CCSER1: variants seen among roughly 807,000 people sequenced by gnomAD.
The protein encoded by CCSER1 is coiled-coil serine rich protein 1.
A neutral mutation model predicts 82.0 loss-of-function variants in CCSER1; 41 were observed. The observed-to-expected ratio is 0.50, with a 90% CI of 0.39 to 0.65. CCSER1 has a LOEUF of 0.65. CCSER1 is among the 30% of genes least tolerant of loss of function. The probability of loss-of-function intolerance (pLI) is 0.00; values close to 1 mark genes in which losing one functional copy is unlikely to be tolerated. For missense variants in CCSER1, 1,119 were observed against 1,064.2 expected, an observed-to-expected ratio of 1.05 and a Z score of -0.72; for synonymous variants, 414 against 383.9, an observed-to-expected ratio of 1.08 and a Z score of -0.92.
At chr4:90,355,304 A>G (rs1291222836) in intron 3 of CCSER1, among the ~76,000 whole-genome samples, 3 of 152,036 alleles carry the variant, frequency 2.0e-5, no homozygotes, top group Non-Finnish European at 2.9e-5. Flanking sequence ...AAGAAAGAAA[A>G]GAAGAGAAAA....
At chr4:90,906,408 G>T (rs1725481369) in intron 8 of CCSER1, among the ~76,000 whole-genome samples, 1 of 152,082 alleles carries the variant, frequency 6.6e-6, no homozygotes, top group Non-Finnish European at 1.5e-5. Context: ...GACTCTGCAA[G>T]TGTCTAGTGA....
intron 10 of CCSER1, among the ~76,000 whole-genome samples, chr4:91,161,530 C>T (rs1038345654): frequency 6.6e-6 from 1 of 152,146 alleles, no homozygotes; most frequent in African/African-American, 2.4e-5. Flanking sequence ...TCTTGCTGTA[C>T]ATGAGCATGG....
At chr4:90,497,095 A>G (rs1243463909) in intron 5 of CCSER1, among the ~76,000 whole-genome samples, 2 of 152,202 alleles carry the variant, frequency 1.3e-5, no homozygotes, top group Non-Finnish European at 2.9e-5. Context: ...TAAGGTAACA[A>G]TGTTGAAATG....
At chr4:90,502,395 C>G (rs1178939452) in intron 5 of CCSER1, among the ~76,000 whole-genome samples, 1 of 152,162 alleles carries the variant, frequency 6.6e-6, no homozygotes, top group Non-Finnish European at 1.5e-5. Context: ...AAATCTGTCC[C>G]CATGATCCAA....
intron 3 of CCSER1, among the ~76,000 whole-genome samples, chr4:90,341,426 T>C (rs1741364414): frequency 1.3e-5 from 2 of 152,082 alleles, no homozygotes; most frequent in Admixed American, 6.6e-5. Flanking sequence ...ATTTTTACTC[T>C]CGAGTTCATA....
At position 91,423,367 on chromosome 4, in the gene CCSER1, T is replaced by C. The variant is rs375948856; in HGVS notation, c.2218-175205T>C. On this transcript the variant is annotated intron_variant, in intron 10 of 10. Transcript: ENST00000509176. ...ATTGCTTGAACCCAGGAGGTGGAGA[T>C]TGCAGTAGGTTGAGATCATGCCACT... 2.3e-3 allele frequency among the ~76,000 whole-genome samples: 343 copies of C among 151,526 alleles called. 2 individuals carry two copies. The highest frequency in any genetic ancestry group is 7.6e-3 in the African/African-American group (314 of 41,222).
At chr4:90,784,364 A>G (rs72875688) in intron 7 of CCSER1, among the ~76,000 whole-genome samples, 4,383 of 152,324 alleles carry the variant, frequency 0.029, 189 homozygotes, top group African/African-American at 0.094. Context: ...GTTATCATAA[A>G]TGCATATGCT....
chr4:91,434,818 C>A (rs1468755414), intron 10 of CCSER1, among the ~76,000 whole-genome samples: 5 of 152,168 alleles, frequency 3.3e-5, no homozygotes, highest in Non-Finnish European at 5.9e-5. Flanking sequence ...GGTCAGGAGC[C>A]ATTCCAAGAT....
intron 10 of CCSER1, among the ~76,000 whole-genome samples, chr4:91,440,231 C>G (rs1163639172): frequency 1.3e-5 from 2 of 152,094 alleles, no homozygotes; most frequent in African/African-American, 4.8e-5. Context: ...CTCTCCTCAG[C>G]AAACATAAAA....
At chr4:90,861,259 C>G (rs1765054348) in intron 8 of CCSER1, among the ~76,000 whole-genome samples, 1 of 151,616 alleles carries the variant, frequency 6.6e-6, no homozygotes, top group African/African-American at 2.4e-5. Flanking sequence ...AGTTACAAAA[C>G]TTGAACTAAA....
rs141255914 is a variant in CCSER1, at chr4:90,583,189, C to T, written c.1725-44836C>T. The stretch of plus-strand genomic sequence containing the variant: ...TGGATATGTTTTTTGTTTTTTAAGA[C>T]GGAGTCTCGCTCTGTCGCCCAGGCT... On this transcript the variant is annotated intron_variant, in intron 5 of 10. Transcript: ENST00000509176. 3.9e-3 allele frequency among the ~76,000 whole-genome samples: 597 copies of T among 152,190 alleles called. 4 individuals are homozygous for T. Among genetic ancestry groups the T allele is most frequent in the African/African-American group, 0.014 (563 of 41,530 alleles).
intron 6 of CCSER1, among the ~76,000 whole-genome samples, chr4:90,663,360 G>A (rs1731164004): frequency 6.6e-6 from 1 of 152,176 alleles, no homozygotes; most frequent in African/African-American, 2.4e-5. Context: ...AAACCTGGAT[G>A]CCTGCTCAGT....
intron 1 of CCSER1, among the ~76,000 whole-genome samples, chr4:90,157,078 A>G (rs1354729225): frequency 1.3e-5 from 2 of 152,162 alleles, no homozygotes; most frequent in African/African-American, 4.8e-5. Flanking sequence ...GGTGGTGACA[A>G]AATCTCTCAG....
intron 6 of CCSER1, among the ~76,000 whole-genome samples, chr4:90,721,559 G>A (rs1444640948): frequency 6.6e-6 from 1 of 151,472 alleles, no homozygotes; most frequent in Non-Finnish European, 1.5e-5. Context: ...AGAAAGTTGT[G>A]GATTAACAAA....
chr4:91,068,761 T>G (rs2148760304), intron 9 of CCSER1, among the ~76,000 whole-genome samples: 1 of 152,316 alleles, frequency 6.6e-6, no homozygotes, highest in Admixed American at 6.5e-5. Flanking sequence ...AGGGAAATTT[T>G]AAAAGAAAAG....
At chr4:90,551,706 C>CTCTCTCTCTCTCTCTCTATA in intron 5 of CCSER1, among the ~76,000 whole-genome samples, 37 of 104,232 alleles carry the variant, frequency 3.5e-4, no homozygotes, top group African/African-American at 5.0e-4. Flanking sequence ...CTCTCTCTCT[C>CTCTCTCTCTCTCTCTCTATA]TATATATATA....
chr4:90,134,249 C>T (rs955869287), intron 1 of CCSER1, among the ~76,000 whole-genome samples: 23 of 152,158 alleles, frequency 1.5e-4, no homozygotes, highest in African/African-American at 5.6e-4. Flanking sequence ...TTATGAAACT[C>T]ATAAACAGAG....
In CCSER1 at chr4:91,603,230, T is replaced by C. The variant is rs1483147362; in HGVS notation, c.*4173T>C. ...AACCAAACAAAACAGCTCTCTTCTT[T>C]AATAATATTCATCATTGCCAAATGT... On this transcript the variant is annotated 3_prime_UTR_variant, in exon 11 of 11. Transcript: ENST00000509176. The C allele has an allele frequency of 6.6e-6, 1 of 152,140 alleles. No homozygotes were observed. Among genetic ancestry groups the C allele is most frequent in the Non-Finnish European group, 1.5e-5 (1 of 67,988 alleles). 9.4% of individuals were successfully genotyped at this position (152,140 alleles called of 1,614,324 possible). A position where few individuals can be genotyped will look rare whatever the true frequency, so the allele number is the denominator to read the frequency against.
Position 91,016,186 on chromosome 4 carries a change from A to G in CCSER1, c.2173-69764A>G, listed in dbSNP as rs542200604. On this transcript the variant is annotated intron_variant, in intron 9 of 10. Coordinates refer to ENST00000509176, the MANE Select transcript of CCSER1 (RefSeq NM_001145065.2). Reference sequence around the variant, plus strand: ...TGAAGTTGACTGGATGATGTTGAATAGCTCTAAGTTTTATAAACGTACTTT... The same window carrying G: ...TGAAGTTGACTGGATGATGTTGAATGGCTCTAAGTTTTATAAACGTACTTT... Among the ~76,000 whole-genome samples the G allele has an allele frequency of 1.3e-4, 20 of 152,158 alleles. No individual in the cohort carries two copies. In the South Asian group the frequency reaches 4.1e-3, roughly 32 times the overall value.
Sources: allele counts gnomAD v4.1 joint callset (sites outside exome capture counted in the v4.1 genomes callset), GRCh38; gene constraint gnomAD v4.1.1; transcripts MANE v1.5; gene names NCBI Gene and HGNC (gene_info 2026-07-23, HGNC 2026-07-21).